The following CNTNAP2 variants were observed in gnomAD, a reference collection of about 807,000 sequenced individuals.
CNTNAP2 encodes contactin associated protein 2, also known as contactin-associated protein-like 2.
A neutral mutation model predicts 155.2 loss-of-function variants in CNTNAP2; 98 were observed. That is an observed-to-expected ratio of 0.63 (90% CI 0.54 to 0.75). The LOEUF (loss-of-function observed/expected upper bound fraction) is 0.75. CNTNAP2 is among the 30% of genes least tolerant of loss of function. The probability of loss-of-function intolerance (pLI) is 0.00; values close to 1 mark genes in which losing one functional copy is unlikely to be tolerated. For synonymous variants in CNTNAP2, 651 were observed against 631.2 expected, an observed-to-expected ratio of 1.03 and a Z score of -0.47; for missense variants, 1,727 against 1,688.1, an observed-to-expected ratio of 1.02 and a Z score of -0.40.
intron 13 of CNTNAP2, among the ~76,000 whole-genome samples, chr7:147,891,434 A>G (rs1251970613): frequency 2.0e-5 from 3 of 151,888 alleles, no homozygotes; most frequent in Non-Finnish European, 4.4e-5. Context: ...TGAACTCCTG[A>G]CCTCCTGATT....
chr7:146,537,099 C>G (rs1797880685), intron 1 of CNTNAP2, among the ~76,000 whole-genome samples: 1 of 152,024 alleles, frequency 6.6e-6, no homozygotes, highest in African/African-American at 2.4e-5. Context: ...ATTTATAGTG[C>G]TAGGCAAGCC....
At chr7:148,348,463 T>G (rs924698901) in intron 21 of CNTNAP2, among the ~76,000 whole-genome samples, 2 of 152,194 alleles carry the variant, frequency 1.3e-5, no homozygotes, top group Non-Finnish European at 2.9e-5. Flanking sequence ...TGCCTTCCAG[T>G]CTACCTTGGG....
intron 1 of CNTNAP2, among the ~76,000 whole-genome samples, chr7:146,709,132 G>A (rs1801018274): frequency 6.6e-6 from 1 of 152,168 alleles, no homozygotes; most frequent in Non-Finnish European, 1.5e-5. Context: ...GCAGCATTAT[G>A]TGGATTAACA....
intron 1 of CNTNAP2, among the ~76,000 whole-genome samples, chr7:146,401,007 T>G (rs1724528): frequency 0.54 from 81,501 of 152,048 alleles, 25,564 homozygotes; most frequent in African/African-American, 0.88. Flanking sequence ...ATTGTTTGAT[T>G]GTAATGACTA....
At chr7:146,558,018 C>T (rs1450239424) in intron 1 of CNTNAP2, among the ~76,000 whole-genome samples, 1 of 152,090 alleles carries the variant, frequency 6.6e-6, no homozygotes, top group African/African-American at 2.4e-5. Context: ...TAAGTCTCAA[C>T]CTTTGTGTTT....
At chr7:147,104,292 T>C (rs1339860549) in intron 4 of CNTNAP2, among the ~76,000 whole-genome samples, 1 of 152,030 alleles carries the variant, frequency 6.6e-6, no homozygotes, top group African/African-American at 2.4e-5. Flanking sequence ...ATTTAACTAA[T>C]GGTACATTTT....
At chr7:146,134,029 A>C (rs992042729) in intron 1 of CNTNAP2, among the ~76,000 whole-genome samples, 1 of 149,080 alleles carries the variant, frequency 6.7e-6, no homozygotes, top group Non-Finnish European at 1.5e-5. Flanking sequence ...CACGATATTG[A>C]TTCTTCCTAC....
intron 17 of CNTNAP2, among the ~76,000 whole-genome samples, chr7:148,170,889 A>G (rs1350192911): frequency 2.6e-5 from 4 of 152,238 alleles, no homozygotes; most frequent in Non-Finnish European, 5.9e-5. Context: ...CCTGAATTCC[A>G]GTAACCCTAC....
chr7:147,350,690 A>T (rs902283563), intron 9 of CNTNAP2, among the ~76,000 whole-genome samples: 12 of 151,820 alleles, frequency 7.9e-5, no homozygotes, highest in Admixed American at 2.0e-4. Context: ...TGTATAAAAT[A>T]TGCATTCAGT....
chr7:146,331,260 C>A (rs1038480170), intron 1 of CNTNAP2, among the ~76,000 whole-genome samples: 1 of 148,562 alleles, frequency 6.7e-6, no homozygotes, highest in African/African-American at 2.5e-5. Context: ...GCCGAGATCG[C>A]GCCACTGCAC....
intron 20 of CNTNAP2, among the ~76,000 whole-genome samples, chr7:148,259,608 C>T (rs113710864): frequency 1.4e-3 from 206 of 152,250 alleles, no homozygotes; most frequent in African/African-American, 4.7e-3. Context: ...AGATGGGGCC[C>T]GGCCCCTCCA....
intron 10 of CNTNAP2, among the ~76,000 whole-genome samples, chr7:147,457,627 C>T (rs1797942058): frequency 6.6e-6 from 1 of 151,720 alleles, no homozygotes; most frequent in South Asian, 2.1e-4. Flanking sequence ...CTGTTATCTG[C>T]CATATGATAG....
intron 3 of CNTNAP2, among the ~76,000 whole-genome samples, chr7:146,856,524 T>C (rs2129204261): frequency 6.6e-6 from 1 of 152,262 alleles, no homozygotes; most frequent in Non-Finnish European, 1.5e-5. Flanking sequence ...AAGTAGAGGA[T>C]ACGGAGAGTT....
chr7:148,283,306 AG>A (rs376661799), intron 21 of CNTNAP2, among the ~76,000 whole-genome samples: 5,450 of 58,660 alleles, frequency 0.093, 281 homozygotes, highest in Non-Finnish European at 0.099. Context: ...AAAGAAAGAA[AG>A]GAAGGAAGGA....
At chr7:147,393,158 G>A (rs939611949) in intron 9 of CNTNAP2, among the ~76,000 whole-genome samples, 6 of 151,994 alleles carry the variant, frequency 3.9e-5, no homozygotes, top group African/African-American at 1.2e-4. Context: ...AAAGATTAAC[G>A]ATGTCCATCT....
chr7:147,149,523 A>T (rs1483545810), intron 8 of CNTNAP2, among the ~76,000 whole-genome samples: 1 of 152,232 alleles, frequency 6.6e-6, no homozygotes, highest in Admixed American at 6.5e-5. Context: ...AGGCCAGATT[A>T]TGGAAGGTAT....
chr7:146,555,810 A>G (rs1451207980), intron 1 of CNTNAP2, among the ~76,000 whole-genome samples: 1 of 152,154 alleles, frequency 6.6e-6, no homozygotes, highest in Non-Finnish European at 1.5e-5. Context: ...CTGCCAATTA[A>G]TATTGGGTGA....
intron 3 of CNTNAP2, among the ~76,000 whole-genome samples, chr7:146,938,123 G>T (rs1006164568): frequency 2.0e-5 from 3 of 152,066 alleles, no homozygotes; most frequent in Non-Finnish European, 4.4e-5. Flanking sequence ...AATTGAAGGG[G>T]TAAGATGTCT....
At chr7:146,802,964 G>C (rs1802906748) in intron 2 of CNTNAP2, among the ~76,000 whole-genome samples, 1 of 152,138 alleles carries the variant, frequency 6.6e-6, no homozygotes, top group South Asian at 2.1e-4. Flanking sequence ...AGAAGTGACT[G>C]ACATAATCAA....
Sources: allele counts gnomAD v4.1 joint callset (sites outside exome capture counted in the v4.1 genomes callset), GRCh38; gene constraint gnomAD v4.1.1; transcripts MANE v1.5; gene names NCBI Gene and HGNC (gene_info 2026-07-23, HGNC 2026-07-21).